Variants in TENM3 observed in about 807,000 individuals in gnomAD.
TENM3 encodes teneurin transmembrane protein 3, also known as teneurin-3.
TENM3 carries 63 observed loss-of-function variants against 255.1 expected under a neutral mutation model. The observed-to-expected ratio is 0.25, with a 90% CI of 0.20 to 0.30. The LOEUF (loss-of-function observed/expected upper bound fraction) is 0.30. Among genes scored for constraint, TENM3 ranks in the 10% least tolerant of loss-of-function variants. The pLI is 1.00. For synonymous variants in TENM3, 1,306 were observed against 1,322.3 expected (o/e 0.99, Z 0.27); for missense variants, 2,929 against 3,461.1 (o/e 0.85, Z 3.86).
chr4:182,100,620 T>C, the TENM3 span, among the ~76,000 whole-genome samples: 2 of 45,722 alleles, frequency 4.4e-5, no homozygotes, highest in African/African-American at 1.3e-4. Context: ...CACATATATA[T>C]ACACACACAT....
At chr4:182,438,232 T>A (rs1159453824) in intron 3 of TENM3, among the ~76,000 whole-genome samples, 2 of 152,216 alleles carry the variant, frequency 1.3e-5, no homozygotes, top group Non-Finnish European at 2.9e-5. Flanking sequence ...GCTCCTTTAG[T>A]GTGCAAACTA....
the TENM3 span, among the ~76,000 whole-genome samples, chr4:181,814,553 T>C: frequency 4.0e-5 from 6 of 151,484 alleles, no homozygotes; most frequent in African/African-American, 1.5e-4. Context: ...TCATAGGAAA[T>C]AGACAAATTT....
In TENM3 at chr4:182,217,009, C is replaced by CTTTTTTTTTTTTTT. The variant is rs3071526; in HGVS notation, c.-76+72273_-76+72286dup. Among the ~76,000 whole-genome samples, 32 of 67,528 alleles carry CTTTTTTTTTTTTTT rather than the reference C, an allele frequency of 4.7e-4. 2 individuals are homozygous for CTTTTTTTTTTTTTT. The highest frequency in any genetic ancestry group is 1.2e-3 in the East Asian group (2 of 1,664). 44.3% of individuals were successfully genotyped at this position (67,528 alleles called of 152,430 possible). ...TCTAAATTTCACCATCATTTTCTTTCTTTTTTTTTTTTTTTTTTTTTTTTT... is the reference window on the plus strand; with the variant it reads ...TCTAAATTTCACCATCATTTTCTTTCTTTTTTTTTTTTTTTTTTTTTTTTTTTTTTTTTTTTTTT... On this transcript the variant is annotated intron_variant, in intron 1 of 2. Transcript: ENST00000512480.
the TENM3 span, among the ~76,000 whole-genome samples, chr4:181,741,758 T>C: frequency 6.6e-6 from 1 of 152,188 alleles, no homozygotes; most frequent in African/African-American, 2.4e-5. Context: ...GAACCATTAA[T>C]ATAATAGCCT....
chr4:182,064,291 A>C, the TENM3 span, among the ~76,000 whole-genome samples: 1 of 152,012 alleles, frequency 6.6e-6, no homozygotes, highest in Non-Finnish European at 1.5e-5. Flanking sequence ...TAAACTAAGA[A>C]ATTTGGGCTG....
At chr4:182,262,182 TAATA>T (rs994150182) in intron 1 of TENM3, among the ~76,000 whole-genome samples, 3 of 152,220 alleles carry the variant, frequency 2.0e-5, no homozygotes, top group Non-Finnish European at 4.4e-5. Flanking sequence ...ATGGCATTTG[TAATA>T]AATAAATGAC....
At chr4:181,785,253 G>A in the TENM3 span, among the ~76,000 whole-genome samples, 2 of 152,144 alleles carry the variant, frequency 1.3e-5, no homozygotes, top group African/African-American at 2.4e-5. Context: ...GTTTATCTGA[G>A]GCTACAGGAG....
chr4:181,571,506 T>C, the TENM3 span, among the ~76,000 whole-genome samples: 1 of 152,026 alleles, frequency 6.6e-6, no homozygotes, highest in African/African-American at 2.4e-5. Flanking sequence ...CCAGGTAATT[T>C]AGAAAAAACT....
chr4:181,820,486 A>C, the TENM3 span, among the ~76,000 whole-genome samples: 1 of 148,082 alleles, frequency 6.8e-6, no homozygotes, highest in Non-Finnish European at 1.5e-5. Flanking sequence ...ATTTTCTTTA[A>C]ACACACACAC....
intron 24 of TENM3, among the ~76,000 whole-genome samples, chr4:182,786,247 C>A (rs1229535924): frequency 6.6e-6 from 1 of 151,898 alleles, no homozygotes; most frequent in Non-Finnish European, 1.5e-5. Flanking sequence ...GCCACACTCA[C>A]AAACCAAAGG....
At chr4:181,660,614 T>C in the TENM3 span, among the ~76,000 whole-genome samples, 1 of 152,208 alleles carries the variant, frequency 6.6e-6, no homozygotes, top group African/African-American at 2.4e-5. Context: ...ATAAAGCAGC[T>C]AATTGTTTAC....
rs752192726 is a variant in TENM3 at position 182,752,067 on chromosome 4, AT to A, written c.3862+38del. ...GTTGGCGATTTGAGGATTTCTTTTTATTTATTAAAAAAAAAAAAAAAGGGGT... is the reference window on the plus strand; with the variant it reads ...GTTGGCGATTTGAGGATTTCTTTTTATTATTAAAAAAAAAAAAAAAGGGGT... On this transcript the variant is annotated intron_variant, in intron 20 of 27. Coordinates refer to ENST00000511685, the MANE Select transcript of TENM3 (RefSeq NM_001080477.4). The A allele has an allele frequency of 2.0e-3, 2,255 of 1,103,438 alleles. 14 individuals are homozygous for A. In the East Asian group the frequency reaches 0.039, roughly 19 times the overall value. 68.4% of individuals were successfully genotyped at this position (1,103,438 alleles called of 1,614,324 possible). A position where few individuals can be genotyped will look rare whatever the true frequency, so the allele number is the denominator to read the frequency against.
At chr4:182,651,456 C>T (rs533968750) in intron 5 of TENM3, among the ~76,000 whole-genome samples, 32 of 152,100 alleles carry the variant, frequency 2.1e-4, no homozygotes, top group African/African-American at 4.3e-4. Flanking sequence ...TTTGGGAGGC[C>T]GAGGCATGCG....
chr4:182,654,253 A>T (rs1188969908), intron 6 of TENM3, among the ~76,000 whole-genome samples: 3 of 152,148 alleles, frequency 2.0e-5, no homozygotes, highest in African/African-American at 7.2e-5. Context: ...TTGCGTGTGG[A>T]GTTGGAACAC....
the TENM3 span, among the ~76,000 whole-genome samples, chr4:181,620,859 T>C: frequency 6.6e-6 from 1 of 152,152 alleles, no homozygotes; most frequent in Non-Finnish European, 1.5e-5. Context: ...ATTTTACTGA[T>C]TTCTCAAATA....
chr4:181,629,011 T>A, the TENM3 span, among the ~76,000 whole-genome samples: 187 of 152,304 alleles, frequency 1.2e-3, 1 homozygote, highest in African/African-American at 4.2e-3. Context: ...TTTATTTTGC[T>A]TAGCAGTGGT....
At chr4:181,926,967 G>A in the TENM3 span, among the ~76,000 whole-genome samples, 4 of 152,038 alleles carry the variant, frequency 2.6e-5, no homozygotes, top group African/African-American at 9.7e-5. Flanking sequence ...TGTGAGGAAC[G>A]GTGCACTCCA....
chr4:182,107,406 G>T, the TENM3 span, among the ~76,000 whole-genome samples: 1 of 152,196 alleles, frequency 6.6e-6, no homozygotes, highest in Admixed American at 6.5e-5. Flanking sequence ...AACATCGAAG[G>T]ACATCCTGTT....
chr4:182,718,323 C>T (rs951117354), intron 13 of TENM3, among the ~76,000 whole-genome samples: 6 of 152,148 alleles, frequency 3.9e-5, no homozygotes, highest in Non-Finnish European at 8.8e-5. Flanking sequence ...CCATCTCCTC[C>T]CCAAAAAGGC....
Sources: allele counts gnomAD v4.1 joint callset (sites outside exome capture counted in the v4.1 genomes callset), GRCh38; gene constraint gnomAD v4.1.1; transcripts MANE v1.5; gene names NCBI Gene and HGNC (gene_info 2026-07-23, HGNC 2026-07-21).